Variants in TGFBR1 observed in about 807,000 individuals in gnomAD.
TGFBR1 encodes the protein transforming growth factor beta receptor 1.
In TGFBR1, 20 loss-of-function variants were observed where a neutral mutation model predicts 55.1. The observed-to-expected ratio is 0.36, with a 90% CI of 0.26 to 0.53. TGFBR1 has a LOEUF of 0.53. Among genes scored for constraint, TGFBR1 ranks in the 20% least tolerant of loss-of-function variants. The pLI is 0.91. For synonymous variants in TGFBR1, 220 were observed against 214.8 expected, an observed-to-expected ratio of 1.02 and a Z score of -0.21; for missense variants, 385 against 617.6, an observed-to-expected ratio of 0.62 and a Z score of 3.99.
rs1827914746 is a variant in TGFBR1 at position 99,149,473 on chromosome 9, G to A, written c.*168G>A. ...ACTTCCCAGGATTTCTTTGGACCCA[G>A]GAAACAGCCATGTGGGTCCTTTCTG... On this transcript the variant is annotated 3_prime_UTR_variant, in exon 9 of 9. Coordinates refer to ENST00000374994, the MANE Select transcript of TGFBR1 (RefSeq NM_004612.4). 1 of 883,638 alleles carries A rather than the reference G, an allele frequency of 1.1e-6. No individual in the cohort carries two copies. Among genetic ancestry groups the A allele is most frequent in the Non-Finnish European group, 1.8e-6 (1 of 568,300 alleles). The allele number at this position is 883,638 out of a possible 1,614,324, so 54.7% of individuals were successfully genotyped here.
chr9:99,128,064 CTGTG>C (rs1393990517), intron 1 of TGFBR1: 2 of 454,376 alleles, frequency 4.4e-6, no homozygotes, highest in Non-Finnish European at 8.8e-6. Flanking sequence ...GAAGGTGTAT[CTGTG>C]TGTATGAGAA....
At chr9:99,141,640 T>TC in intron 4 of TGFBR1, among the ~76,000 whole-genome samples, 2 of 152,284 alleles carry the variant, frequency 1.3e-5, no homozygotes, top group Middle Eastern at 6.8e-3. Flanking sequence ...ACTCTAAGCG[T>TC]CCATCTTTTA....
At chr9:99,134,188 A>G (rs1212961179) in intron 3 of TGFBR1, among the ~76,000 whole-genome samples, 1 of 152,184 alleles carries the variant, frequency 6.6e-6, no homozygotes, top group African/African-American at 2.4e-5. Flanking sequence ...GTATGTATGC[A>G]TATCCATTCA....
chr9:99,115,328 T>C (rs1196109089), intron 1 of TGFBR1, among the ~76,000 whole-genome samples: 1 of 152,170 alleles, frequency 6.6e-6, no homozygotes, highest in Admixed American at 6.5e-5. Context: ...GGTGTAAACC[T>C]CACTGATTAC....
Position 99,129,001 on chromosome 9 carries a change from A to G in TGFBR1, c.244A>G (p.Arg82Gly), listed in dbSNP as rs2118569259. The G allele has an allele frequency of 6.2e-7, 1 of 1,614,018 alleles. No homozygotes were observed. Among genetic ancestry groups the G allele is most frequent in the Non-Finnish European group, 8.5e-7 (1 of 1,179,952 alleles). Residue 82 changes from arginine (R) to glycine (G), a missense_variant, in exon 2 of 9, where the codon AGG becomes GGG. Transcript: ENST00000374994. ...IAEIDLIPRD[R>G]PFVCAPSSKT... ...TGAAATTGACTTAATTCCTCGAGAT[A>G]GGCCGTTTGTATGTGCACCCTCTTC...
chr9:99,144,658 C>T, intron 5 of TGFBR1, 74 bp from the exon 6 acceptor site: 1 of 1,585,230 alleles, frequency 6.3e-7, no homozygotes, highest in Non-Finnish European at 8.6e-7. Flanking sequence ...GGAGAAGAGA[C>T]TTTTGAACCT....
rs1014650025 is a variant in TGFBR1 at position 99,153,921 on chromosome 9, G to A, written c.*4616G>A. On this transcript the variant is annotated 3_prime_UTR_variant, in exon 9 of 9. Coordinates refer to ENST00000374994, the MANE Select transcript of TGFBR1 (RefSeq NM_004612.4). ...GACCTGTCTACAGGTGATCTCTGTT[G>A]CCTTTGGGTCAGCACATTTGTTAGT... 9 of 214,950 alleles carry A rather than the reference G, an allele frequency of 4.2e-5. No homozygotes were observed. Among genetic ancestry groups the A allele is most frequent in the African/African-American group, 1.6e-4 (7 of 44,454 alleles). The allele number at this position is 214,950 out of a possible 1,614,324, so 13.3% of individuals were successfully genotyped here. A position where few individuals can be genotyped will look rare whatever the true frequency, so the allele number is the denominator to read the frequency against.
At chr9:99,124,679 CTTG>C (rs1450991848) in intron 1 of TGFBR1, among the ~76,000 whole-genome samples, 1 of 152,032 alleles carries the variant, frequency 6.6e-6, no homozygotes, top group Non-Finnish European at 1.5e-5. Flanking sequence ...TAACAGCAGT[CTTG>C]TAGTCAATCA....
intron 1 of TGFBR1, among the ~76,000 whole-genome samples, chr9:99,112,029 G>C (rs1826599605): frequency 6.6e-6 from 1 of 152,178 alleles, no homozygotes; most frequent in South Asian, 2.1e-4. Context: ...TGTGGAGAAA[G>C]AGCATTCTAA....
upstream of TGFBR1, among the ~76,000 whole-genome samples, chr9:99,104,645 T>A (rs1282811085): frequency 2.0e-5 from 3 of 151,970 alleles, no homozygotes; most frequent in South Asian, 2.1e-4. Context: ...CTGGGTGGCA[T>A]GTGCTGGGAT....
chr9:99,145,360 C>A (rs188971478), intron 6 of TGFBR1, among the ~76,000 whole-genome samples: 1 of 152,104 alleles, frequency 6.6e-6, no homozygotes, highest in African/African-American at 2.4e-5. Flanking sequence ...CCACCTTTCC[C>A]GTAGGAAGTT....
In TGFBR1 at chr9:99,151,994, G is replaced by C. The variant is rs2118895273; in HGVS notation, c.*2689G>C. ...TTTGTCAGTAGCCAGGAGAAATGGGGATGGGGGAAATACGACTTAGTGAGG... is the reference window on the plus strand; with the variant it reads ...TTTGTCAGTAGCCAGGAGAAATGGGCATGGGGGAAATACGACTTAGTGAGG... On this transcript the variant is annotated 3_prime_UTR_variant, in exon 9 of 9. Coordinates refer to ENST00000374994, the MANE Select transcript of TGFBR1 (RefSeq NM_004612.4). The C allele has an allele frequency of 5.1e-6, 1 of 197,910 alleles. No homozygotes were observed. The highest frequency in any genetic ancestry group is 1.9e-4 in the South Asian group (1 of 5,202). 12.3% of individuals were successfully genotyped at this position (197,910 alleles called of 1,614,324 possible). A position where few individuals can be genotyped will look rare whatever the true frequency, so the allele number is the denominator to read the frequency against.
intron 7 of TGFBR1, 40 bp from the exon 8 acceptor site, chr9:99,147,614 A>G (rs1157876101): frequency 6.3e-7 from 1 of 1,592,116 alleles, no homozygotes; most frequent in Non-Finnish European, 8.6e-7. Context: ...CATTAGCTGA[A>G]TAAATTCATC....
intron 1 of TGFBR1, among the ~76,000 whole-genome samples, chr9:99,110,123 A>T (rs1826520597): frequency 6.6e-6 from 1 of 152,164 alleles, no homozygotes; most frequent in East Asian, 1.9e-4. Flanking sequence ...CATCTCAGAC[A>T]TCACTTTCTT....
At chr9:99,106,933 CTG>C (rs1397548954) in intron 1 of TGFBR1, among the ~76,000 whole-genome samples, 14 of 152,320 alleles carry the variant, frequency 9.2e-5, no homozygotes, top group African/African-American at 3.1e-4. Context: ...GGCAGGATAA[CTG>C]TGTGGACATT....
chr9:99,125,608 T>C (rs557960385), intron 1 of TGFBR1, among the ~76,000 whole-genome samples: 5 of 152,306 alleles, frequency 3.3e-5, no homozygotes, highest in African/African-American at 4.8e-5. Flanking sequence ...TTTTACTCTT[T>C]CTTTTACAAT....
At chr9:99,133,512 A>G (rs1827315555) in intron 3 of TGFBR1, among the ~76,000 whole-genome samples, 1 of 152,128 alleles carries the variant, frequency 6.6e-6, no homozygotes, top group Non-Finnish European at 1.5e-5. Context: ...AGAGAGGAAC[A>G]CTCCTATCCC....
At chr9:99,119,028 A>G (rs1032754704) in intron 1 of TGFBR1, among the ~76,000 whole-genome samples, 1 of 151,808 alleles carries the variant, frequency 6.6e-6, no homozygotes, top group South Asian at 2.1e-4. Flanking sequence ...CTCAATCCTA[A>G]TTATCTCTAT....
intron 1 of TGFBR1, among the ~76,000 whole-genome samples, chr9:99,110,897 C>T (rs568925973): frequency 2.6e-5 from 4 of 152,210 alleles, no homozygotes; most frequent in Admixed American, 6.5e-5. Context: ...TACAAATGCT[C>T]CTCTACTTAT....
Sources: gnomAD v4.1 joint callset for allele counts (sites outside exome capture counted in the v4.1 genomes callset) on GRCh38, gnomAD v4.1.1 for gene constraint, MANE v1.5 for transcripts, NCBI Gene and HGNC (gene_info 2026-07-23, HGNC 2026-07-21) for gene names.